Variants in CDKAL1 observed in about 807,000 individuals in gnomAD.
CDKAL1 encodes the protein threonylcarbamoyladenosine tRNA methylthiotransferase.
CDKAL1 carries 32 observed loss-of-function variants against 68.2 expected under a neutral mutation model. The observed-to-expected ratio is 0.47, with a 90% CI of 0.35 to 0.63. CDKAL1 has a LOEUF of 0.63. CDKAL1 is among the 30% of genes least tolerant of loss of function. CDKAL1 has a pLI of 0.00. For synonymous variants in CDKAL1, 234 were observed against 244.3 expected, an observed-to-expected ratio of 0.96 and a Z score of 0.39; for missense variants, 606 against 696.7, an observed-to-expected ratio of 0.87 and a Z score of 1.47.
At chr6:20,970,235 A>G (rs1765524497) in intron 10 of CDKAL1, among the ~76,000 whole-genome samples, 1 of 152,100 alleles carries the variant, frequency 6.6e-6, no homozygotes, top group Admixed American at 6.5e-5. Context: ...GCTGGTTTTC[A>G]TGATTGAAGG....
chr6:20,643,805 A>G (rs550354163), intron 4 of CDKAL1, among the ~76,000 whole-genome samples: 2 of 152,268 alleles, frequency 1.3e-5, no homozygotes, highest in South Asian at 2.1e-4. Context: ...AGCATTTGAC[A>G]TAATTAATTA....
At chr6:20,749,424 T>C (rs974919387) in intron 6 of CDKAL1, among the ~76,000 whole-genome samples, 2 of 152,230 alleles carry the variant, frequency 1.3e-5, no homozygotes, top group Non-Finnish European at 2.9e-5. Flanking sequence ...GAGGTTCGCA[T>C]TGATGCCTCT....
intron 13 of CDKAL1, among the ~76,000 whole-genome samples, chr6:21,110,081 T>C (rs368382194): frequency 1.2e-4 from 19 of 152,366 alleles, no homozygotes; most frequent in African/African-American, 4.6e-4. Flanking sequence ...GAATTGAATC[T>C]AAATGCTTGA....
intron 4 of CDKAL1, among the ~76,000 whole-genome samples, chr6:20,594,376 T>C (rs1032279443): frequency 3.3e-5 from 5 of 152,244 alleles, no homozygotes; most frequent in Non-Finnish European, 7.3e-5. Flanking sequence ...TGGGTGTGTA[T>C]ACATCTAGGT....
chr6:20,686,088 T>G (rs1168261827), intron 5 of CDKAL1, among the ~76,000 whole-genome samples: 4 of 151,994 alleles, frequency 2.6e-5, no homozygotes, highest in Admixed American at 1.3e-4. Context: ...TTTAAGGTTT[T>G]TTTTTTTTTT....
rs1209013304 is a variant in CDKAL1, at chr6:21,125,528, C to T, written c.1299+17065C>T. Among the ~76,000 whole-genome samples the T allele has an allele frequency of 3.9e-5, 6 of 152,062 alleles. No individual in the cohort carries two copies. The East Asian group carries it at 7.8e-4, about 20-fold the overall frequency. On this transcript the variant is annotated intron_variant, in intron 13 of 15. Transcript: ENST00000274695. ...TCTCTACTAAAAATACAAAATTAGC[C>T]GGGCATGGTGGTGCTTGCCTGTAAT...
chr6:20,875,430 T>C (rs561025472), intron 9 of CDKAL1, among the ~76,000 whole-genome samples: 1 of 152,264 alleles, frequency 6.6e-6, no homozygotes, highest in East Asian at 1.9e-4. Flanking sequence ...TCTGTATCTT[T>C]GTAGACCTTT....
At chr6:21,007,972 A>G (rs1328634644) in intron 11 of CDKAL1, among the ~76,000 whole-genome samples, 1 of 152,238 alleles carries the variant, frequency 6.6e-6, no homozygotes, top group East Asian at 1.9e-4. Context: ...GAAATTTACA[A>G]TGTACACTTA....
chr6:20,845,206 C>A (rs1778333133), intron 8 of CDKAL1, among the ~76,000 whole-genome samples: 1 of 152,092 alleles, frequency 6.6e-6, no homozygotes, highest in Admixed American at 6.5e-5. Context: ...CTTTTTAAAG[C>A]CTTGCTACTC....
At chr6:20,731,808 A>G (rs1008948553) in intron 5 of CDKAL1, among the ~76,000 whole-genome samples, 1 of 152,188 alleles carries the variant, frequency 6.6e-6, no homozygotes, top group Admixed American at 6.5e-5. Flanking sequence ...AGGTTTACCT[A>G]GAGTTAAATG....
chr6:21,087,380 G>A (rs1194119242), intron 12 of CDKAL1, among the ~76,000 whole-genome samples: 1 of 152,058 alleles, frequency 6.6e-6, no homozygotes, highest in African/African-American at 2.4e-5. Flanking sequence ...CTCCCAGGCT[G>A]GAGTGCAGTG....
intron 9 of CDKAL1, among the ~76,000 whole-genome samples, chr6:20,917,321 GT>G (rs1184530833): frequency 1.3e-5 from 2 of 152,146 alleles, no homozygotes; most frequent in Admixed American, 6.5e-5. Flanking sequence ...TTTAGTCCTA[GT>G]TTTATACACA....
At chr6:20,735,853 T>A (rs1047649278) in intron 5 of CDKAL1, among the ~76,000 whole-genome samples, 13 of 152,220 alleles carry the variant, frequency 8.5e-5, no homozygotes, top group African/African-American at 3.1e-4. Context: ...TTCTTTGTTT[T>A]CACCTATTAT....
At chr6:20,798,607 T>G (rs1345784179) in intron 8 of CDKAL1, among the ~76,000 whole-genome samples, 1 of 152,052 alleles carries the variant, frequency 6.6e-6, no homozygotes, top group Non-Finnish European at 1.5e-5. Flanking sequence ...GTTCACATCC[T>G]TTGTAGGGAC....
At chr6:21,180,659 C>A (rs1777754170) in intron 13 of CDKAL1, among the ~76,000 whole-genome samples, 1 of 151,956 alleles carries the variant, frequency 6.6e-6, no homozygotes, top group Non-Finnish European at 1.5e-5. Context: ...TATGAGTCAC[C>A]CTTAAGGCTA....
intron 8 of CDKAL1, among the ~76,000 whole-genome samples, chr6:20,809,734 T>C (rs888222818): frequency 6.6e-6 from 1 of 152,176 alleles, no homozygotes. Context: ...AGAAGTCAAT[T>C]CAAAGATGAG....
chr6:20,816,769 G>C (rs145137171), intron 8 of CDKAL1, among the ~76,000 whole-genome samples: 2 of 152,022 alleles, frequency 1.3e-5, no homozygotes, highest in African/African-American at 4.8e-5. Flanking sequence ...TGCTCATCCT[G>C]GTCCTTATAT....
At chr6:21,019,340 C>T (rs1768508363) in intron 11 of CDKAL1, among the ~76,000 whole-genome samples, 1 of 152,094 alleles carries the variant, frequency 6.6e-6, no homozygotes, top group Non-Finnish European at 1.5e-5. Context: ...CCTTTTCTGT[C>T]TTTCTTGCTG....
chr6:21,004,378 C>T (rs1204346115), intron 11 of CDKAL1, among the ~76,000 whole-genome samples: 1 of 152,154 alleles, frequency 6.6e-6, no homozygotes, highest in Non-Finnish European at 1.5e-5. Flanking sequence ...ACAAGATAAC[C>T]TAGCAGTGTT....
Sources: allele counts gnomAD v4.1 joint callset (sites outside exome capture counted in the v4.1 genomes callset), GRCh38; gene constraint gnomAD v4.1.1; transcripts MANE v1.5; gene names NCBI Gene and HGNC (gene_info 2026-07-23, HGNC 2026-07-21).